NLN: variants seen among roughly 807,000 people sequenced by gnomAD.
NLN encodes the protein neurolysin.
Under a neutral mutation model 79.9 loss-of-function variants are expected in NLN, and 64 were observed. The observed-to-expected ratio is 0.80, with a 90% confidence interval of 0.65 to 0.99. The LOEUF (loss-of-function observed/expected upper bound fraction) is 0.99, where lower values mean the gene tolerates loss of function less well. Ranked by LOEUF, NLN falls within the 50% of genes least tolerant of loss-of-function variation. The pLI is 0.00. For missense variants in NLN, 835 were observed against 858.7 expected (o/e 0.97, Z 0.34); for synonymous variants, 267 against 296.6 (o/e 0.90, Z 1.02).
At chr5:65,757,952 G>T (rs936192942) in intron 1 of NLN, among the ~76,000 whole-genome samples, 1 of 152,098 alleles carries the variant, frequency 6.6e-6, no homozygotes, top group Non-Finnish European at 1.5e-5. Context: ...AAAGATACTG[G>T]CCGGGTGCAG....
intron 12 of NLN, among the ~76,000 whole-genome samples, chr5:65,814,631 T>C (rs943471394): frequency 4.6e-5 from 7 of 152,196 alleles, no homozygotes; most frequent in African/African-American, 1.4e-4. Flanking sequence ...GCTGCCACTA[T>C]GTGACCACAT....
intron 1 of NLN, among the ~76,000 whole-genome samples, chr5:65,724,909 C>T (rs1758429035): frequency 6.6e-6 from 1 of 151,450 alleles, no homozygotes; most frequent in African/African-American, 2.4e-5. Context: ...TCACGCCATT[C>T]CCCTGCCTCA....
rs35225716 is a variant in NLN, at chr5:65,734,541, G to GAAA, written c.41+12138_41+12140dup. ...GTCAAAAATAAATGGAACCTGAATG[G>GAAA]AAAAAAAAAAAAAGAAAGACTCTGC... On this transcript the variant is annotated intron_variant, in intron 1 of 12. Transcript: ENST00000380985. Among the ~76,000 whole-genome samples, 35 of 100,564 alleles carry GAAA rather than the reference G, an allele frequency of 3.5e-4. 3 individuals are homozygous for GAAA. The highest frequency in any genetic ancestry group is 6.5e-4 in the Non-Finnish European group (30 of 46,418). The allele number at this position is 100,564 out of a possible 152,430, so 66.0% of individuals were successfully genotyped here.
intron 7 of NLN, 24 bp downstream of exon 7, chr5:65,785,934 T>A (rs774652825): frequency 2.5e-6 from 4 of 1,606,170 alleles, no homozygotes; most frequent in Non-Finnish European, 2.6e-6. Context: ...TTTTTTTCTA[T>A]GACTGTTTTG....
Position 65,827,832 on chromosome 5 carries a change from C to G in NLN, c.*4917C>G, listed in dbSNP as rs1362367654. On this transcript the variant is annotated 3_prime_UTR_variant, in exon 13 of 13. Coordinates refer to ENST00000380985, the MANE Select transcript of NLN (RefSeq NM_020726.5). ...AGGAGTTCAAGACCAGCTTGGCCAA[C>G]ATGGCGAAACCCGTCTCTACTAAAG... 2 of 152,184 alleles carry G rather than the reference C, an allele frequency of 1.3e-5. No individual in the cohort carries two copies. Among genetic ancestry groups the G allele is most frequent in the Non-Finnish European group, 2.9e-5 (2 of 68,042 alleles). 9.4% of individuals were successfully genotyped at this position (152,184 alleles called of 1,614,324 possible). A position where few individuals can be genotyped will look rare whatever the true frequency, so the allele number is the denominator to read the frequency against.
At chr5:65,763,348 G>C (rs1401958750) in intron 3 of NLN, among the ~76,000 whole-genome samples, 1 of 152,088 alleles carries the variant, frequency 6.6e-6, no homozygotes, top group Non-Finnish European at 1.5e-5. Flanking sequence ...TAAAGTTAAG[G>C]CTTTTTAATA....
At chr5:65,795,554 G>T (rs1199689019) in intron 9 of NLN, among the ~76,000 whole-genome samples, 1 of 152,264 alleles carries the variant, frequency 6.6e-6, no homozygotes, top group East Asian at 1.9e-4. Context: ...GGGCATAGTG[G>T]CACATGCCTG....
chr5:65,793,213 A>G (rs1449366448), intron 9 of NLN: 1 of 202,208 alleles, frequency 4.9e-6, no homozygotes, highest in African/African-American at 2.4e-5. Context: ...AATAAAAAGT[A>G]CATTTATTCT....
At chr5:65,813,089 C>T (rs139144694) in intron 12 of NLN, among the ~76,000 whole-genome samples, 1 of 152,172 alleles carries the variant, frequency 6.6e-6, no homozygotes, top group African/African-American at 2.4e-5. Flanking sequence ...AAATCAGGCT[C>T]TCTGTACTGA....
chr5:65,777,605 C>T, intron 4 of NLN, 71 bp downstream of exon 4: 2 of 1,025,210 alleles, frequency 2.0e-6, no homozygotes, highest in Non-Finnish European at 1.5e-6. Flanking sequence ...GGTTGAACAT[C>T]CCTAATCCAG....
At chr5:65,816,249 G>A (rs567271334) in intron 12 of NLN, among the ~76,000 whole-genome samples, 47 of 152,098 alleles carry the variant, frequency 3.1e-4, no homozygotes, top group African/African-American at 9.9e-4. Context: ...TGGAGCTGGA[G>A]GCCATTACCT....
At chr5:65,795,641 C>T (rs1341144796) in intron 9 of NLN, among the ~76,000 whole-genome samples, 1 of 151,788 alleles carries the variant, frequency 6.6e-6, no homozygotes, top group Non-Finnish European at 1.5e-5. Flanking sequence ...GAACCAAGAT[C>T]GTGCCACTGC....
At chr5:65,804,521 C>T (rs1760362696) in intron 9 of NLN, among the ~76,000 whole-genome samples, 1 of 152,124 alleles carries the variant, frequency 6.6e-6, no homozygotes, top group Admixed American at 6.5e-5. Context: ...TTGGGATTCT[C>T]ACAATATTTC....
chr5:65,809,656 G>GA lies in NLN; in HGVS notation c.1670dup (p.Asp557GlufsTer5). 6.2e-7 allele frequency: 1 copy of GA among 1,612,694 alleles called. No homozygotes were observed. The highest frequency in any genetic ancestry group is 8.5e-7 in the Non-Finnish European group (1 of 1,179,656). On this transcript the variant is annotated frameshift_variant, in exon 10 of 13. Transcript: ENST00000380985. LOFTEE classifies it high-confidence loss of function. ...TTATAAAGATGGAAGCCCTATTGCA[G>GA]ACGATCTGCTTGAAAAACTTGTTGC...
At chr5:65,792,812 G>A (rs1760097172) in intron 9 of NLN, 157 bp downstream of exon 9, 2 of 693,752 alleles carry the variant, frequency 2.9e-6, no homozygotes, top group African/African-American at 1.8e-5. Context: ...TCCTTATCCT[G>A]TCCTCTTTCA....
At chr5:65,742,070 C>T (rs948734956) in intron 1 of NLN, among the ~76,000 whole-genome samples, 1 of 151,990 alleles carries the variant, frequency 6.6e-6, no homozygotes, top group African/African-American at 2.4e-5. Context: ...TTCATATGCC[C>T]TTAAGTAGTT....
At position 65,788,426 on chromosome 5, in the gene NLN, G is replaced by A; in HGVS notation, c.1267G>A (p.Val423Met). 1 of 1,610,624 alleles carries A rather than the reference G, an allele frequency of 6.2e-7. No homozygotes were observed. The highest frequency in any genetic ancestry group is 1.1e-5 in the South Asian group (1 of 91,016). The change falls in exon 8 of 13, where the codon GTG becomes ATG. Residue 423 changes from valine (V) to methionine (M), a missense_variant. Physicochemically the swap from Val to Met is conservative, Grantham distance 21. Transcript: ENST00000380985. ...GAACAAGAGTGTTACACTTTATACT[G>A]TGAAGGATAAAGCTACAGGAGAAGT... Reference protein sequence around the residue: ...VWNKSVTLYTVKDKATGEVLG... With the variant: ...VWNKSVTLYTMKDKATGEVLG...
intron 1 of NLN, among the ~76,000 whole-genome samples, chr5:65,730,609 T>G (rs1209436175): frequency 1.3e-5 from 2 of 151,616 alleles, no homozygotes; most frequent in Admixed American, 6.6e-5. Flanking sequence ...CGGGCTAGAG[T>G]GCAATGGCGC....
At chr5:65,805,553 A>G (rs1299950128) in intron 9 of NLN, among the ~76,000 whole-genome samples, 1 of 152,258 alleles carries the variant, frequency 6.6e-6, no homozygotes, top group African/African-American at 2.4e-5. Flanking sequence ...GCAAGACCCT[A>G]ACTCCCATTC....
Sources: allele counts gnomAD v4.1 joint callset (sites outside exome capture counted in the v4.1 genomes callset), GRCh38; gene constraint gnomAD v4.1.1; transcripts MANE v1.5; gene names NCBI Gene and HGNC (gene_info 2026-07-23, HGNC 2026-07-21).